Variants in VIPR2 observed in about 807,000 individuals in gnomAD.
VIPR2 encodes vasoactive intestinal peptide receptor 2.
Under a neutral mutation model 58.0 loss-of-function variants are expected in VIPR2, and 48 were observed. The ratio of observed to expected loss-of-function variants is 0.83; its 90% CI spans 0.66 to 1.05. The LOEUF (loss-of-function observed/expected upper bound fraction) is 1.05. Among genes scored for constraint, VIPR2 ranks in the 50% least tolerant of loss-of-function variants. The pLI is 0.00. For synonymous variants in VIPR2, 243 were observed against 235.2 expected, an observed-to-expected ratio of 1.03 and a Z score of -0.30; for missense variants, 534 against 558.0, an observed-to-expected ratio of 0.96 and a Z score of 0.43.
chr7:159,095,372 C>T lies in VIPR2; in HGVS notation c.357+8385G>A, dbSNP rs149836365. ...TGAGGGCCGGGCAAATGCTCACAGC[C>T]GGTGACAGGGCTCACAGTCGGGGAA... On this transcript the variant is annotated intron_variant, in intron 4 of 12. Transcript: ENST00000262178. The surrounding 1 kb of genome is among the most constrained non-coding windows in gnomAD (Gnocchi z 5.2). Among the ~76,000 whole-genome samples, 10 of 152,132 alleles carry T rather than the reference C, an allele frequency of 6.6e-5. No individual in the cohort carries two copies. The highest frequency in any genetic ancestry group is 2.1e-4 in the South Asian group (1 of 4,820).
At chr7:159,048,872 C>G (rs1338165703) in intron 5 of VIPR2, among the ~76,000 whole-genome samples, 1 of 152,198 alleles carries the variant, frequency 6.6e-6, no homozygotes, top group East Asian at 1.9e-4. Flanking sequence ...CTGCACAGCT[C>G]CAGGGGCTTT....
At chr7:159,134,202 T>C (rs1454259659) in intron 2 of VIPR2, among the ~76,000 whole-genome samples, 2 of 152,234 alleles carry the variant, frequency 1.3e-5, no homozygotes, top group Admixed American at 1.3e-4. Context: ...AGTAAGTGTG[T>C]CCTGTGCTGA....
chr7:159,043,304 T>C lies in VIPR2; in HGVS notation c.456-128A>G, dbSNP rs556500362. ...CAGAAAAATAAAAGAGTTGAGGGCA[T>C]GAAGCAGATTTCACCATGAATGGCA... On this transcript the variant is annotated intron_variant, in intron 5 of 12. Coordinates refer to ENST00000262178, the MANE Select transcript of VIPR2 (RefSeq NM_003382.5). 2.0e-5 allele frequency: 16 copies of C among 806,488 alleles called. No homozygotes were observed. In the South Asian group the frequency reaches 5.5e-4, roughly 28 times the overall value. The allele number at this position is 806,488 out of a possible 1,614,324, so 50.0% of individuals were successfully genotyped here. A position where few individuals can be genotyped will look rare whatever the true frequency, so the allele number is the denominator to read the frequency against.
intron 4 of VIPR2, among the ~76,000 whole-genome samples, chr7:159,077,442 A>T (rs1563302254): frequency 6.6e-6 from 1 of 150,768 alleles, no homozygotes. Flanking sequence ...GAGGTATTAT[A>T]GTATGCCTGT....
At chr7:159,058,251 T>C (rs1454983818) in intron 5 of VIPR2, among the ~76,000 whole-genome samples, 2 of 152,232 alleles carry the variant, frequency 1.3e-5, no homozygotes, top group Admixed American at 6.5e-5. Flanking sequence ...TAATAAATGA[T>C]AGCTGAGCTG....
chr7:159,044,516 T>C (rs1270310257), intron 5 of VIPR2, among the ~76,000 whole-genome samples: 1 of 151,726 alleles, frequency 6.6e-6, no homozygotes, highest in Non-Finnish European at 1.5e-5. Flanking sequence ...ATGAAATAGA[T>C]TTACCTTAAG....
intron 4 of VIPR2, among the ~76,000 whole-genome samples, chr7:159,076,619 A>AT (rs894799278): frequency 4.6e-5 from 7 of 151,278 alleles, no homozygotes; most frequent in African/African-American, 7.3e-5. Context: ...TGACATGTGT[A>AT]TTTTTTTTTA....
chr7:159,137,739 G>A (rs923358771), intron 2 of VIPR2, among the ~76,000 whole-genome samples: 1 of 152,006 alleles, frequency 6.6e-6, no homozygotes, highest in Non-Finnish European at 1.5e-5. Context: ...TCCAAGACGA[G>A]GAAATGACCT....
At chr7:159,090,346 AC>A (rs1393191821) in intron 4 of VIPR2, among the ~76,000 whole-genome samples, 16 of 35,394 alleles carry the variant, frequency 4.5e-4, no homozygotes, top group African/African-American at 1.4e-3. Flanking sequence ...ACACGCTGGG[AC>A]CCACGCACAG....
At chr7:159,071,582 T>G (rs114741172) in intron 4 of VIPR2, among the ~76,000 whole-genome samples, 1,999 of 152,298 alleles carry the variant, frequency 0.013, 36 homozygotes, top group African/African-American at 0.045. Flanking sequence ...GAACAGGAGT[T>G]CAATTCAGCG....
chr7:159,081,475 G>T (rs1354043941), intron 4 of VIPR2, among the ~76,000 whole-genome samples: 4 of 152,160 alleles, frequency 2.6e-5, no homozygotes, highest in Admixed American at 2.6e-4. Flanking sequence ...ATTCAAGATG[G>T]ATTAAAGACT....
At chr7:159,063,116 C>T (rs2129494224) in intron 4 of VIPR2, among the ~76,000 whole-genome samples, 1 of 152,368 alleles carries the variant, frequency 6.6e-6, no homozygotes, top group Non-Finnish European at 1.5e-5. Context: ...GCAGGCGGAG[C>T]TGCCCCCAGT....
chr7:159,063,403 G>A (rs1051640186), intron 4 of VIPR2, among the ~76,000 whole-genome samples: 1 of 152,004 alleles, frequency 6.6e-6, no homozygotes, highest in Non-Finnish European at 1.5e-5. Context: ...CTCACTGCCC[G>A]GGGCCGGCAG....
At chr7:159,033,213 G>T (rs529585094) in intron 10 of VIPR2, among the ~76,000 whole-genome samples, 3 of 152,202 alleles carry the variant, frequency 2.0e-5, no homozygotes, top group African/African-American at 4.8e-5. Flanking sequence ...GGCACTGGCC[G>T]GTATCTGCAC....
intron 5 of VIPR2, among the ~76,000 whole-genome samples, chr7:159,047,138 G>A (rs1044608812): frequency 6.6e-6 from 1 of 152,188 alleles, no homozygotes; most frequent in Non-Finnish European, 1.5e-5. Flanking sequence ...AGGAGGCTGA[G>A]GCAGGAGAAT....
At chr7:159,040,985 C>T (rs1489155033) in intron 6 of VIPR2, among the ~76,000 whole-genome samples, 1 of 152,184 alleles carries the variant, frequency 6.6e-6, no homozygotes, top group Non-Finnish European at 1.5e-5. Flanking sequence ...AAAGCCGACT[C>T]CCTCTGTCCT....
At chr7:159,032,400 C>G (rs1195487033) in intron 10 of VIPR2, among the ~76,000 whole-genome samples, 5 of 152,192 alleles carry the variant, frequency 3.3e-5, no homozygotes, top group Admixed American at 2.0e-4. Flanking sequence ...ACACAGGCCC[C>G]GCCTGGGAGC....
intron 2 of VIPR2, among the ~76,000 whole-genome samples, chr7:159,119,596 C>T (rs1041656390): frequency 6.6e-6 from 1 of 152,242 alleles, no homozygotes; most frequent in African/African-American, 2.4e-5. Context: ...GCTCATTCAT[C>T]ACCAGAAGCC....
intron 8 of VIPR2, 87 bp downstream of exon 8, chr7:159,035,865 C>T (rs1039626929): frequency 6.5e-7 from 1 of 1,539,698 alleles, no homozygotes. Context: ...TCCTTCCAAC[C>T]AGGTAACCTT....
Sources: allele counts gnomAD v4.1 joint callset (sites outside exome capture counted in the v4.1 genomes callset), GRCh38; gene constraint gnomAD v4.1.1; non-coding constraint Gnocchi (gnomAD v3.1); transcripts MANE v1.5; gene names NCBI Gene and HGNC (gene_info 2026-07-23, HGNC 2026-07-21).